PRKD1: variants seen among roughly 807,000 people sequenced by gnomAD.
PRKD1 encodes the protein protein kinase D1, also known as serine/threonine-protein kinase D1.
A neutral mutation model predicts 95.9 loss-of-function variants in PRKD1; 63 were observed. The observed-to-expected ratio is 0.66, with a 90% CI of 0.54 to 0.81. The LOEUF (loss-of-function observed/expected upper bound fraction) is 0.81, where lower values mean the gene tolerates loss of function less well. Among genes scored for constraint, PRKD1 ranks in the 30% least tolerant of loss-of-function variants. The probability of loss-of-function intolerance (pLI) is 0.00; values close to 1 mark genes in which losing one functional copy is unlikely to be tolerated. For missense variants in PRKD1, 1,048 were observed against 1,165.3 expected (o/e 0.90, Z 1.47); for synonymous variants, 425 against 423.1 (o/e 1.00, Z -0.05).
chr14:29,775,466 G>C (rs904091272), intron 1 of PRKD1, among the ~76,000 whole-genome samples: 2 of 152,248 alleles, frequency 1.3e-5, no homozygotes, highest in African/African-American at 4.8e-5. Context: ...CGCTTTTCCA[G>C]TGGTCTTAGC....
chr14:29,661,059 A>G (rs1309529438), intron 4 of PRKD1, among the ~76,000 whole-genome samples: 1 of 152,218 alleles, frequency 6.6e-6, no homozygotes, highest in Non-Finnish European at 1.5e-5. Flanking sequence ...CATGTGATCT[A>G]TGCTATTATA....
At chr14:29,836,598 A>C (rs1231674623) in intron 1 of PRKD1, among the ~76,000 whole-genome samples, 2 of 152,160 alleles carry the variant, frequency 1.3e-5, no homozygotes, top group Non-Finnish European at 2.9e-5. Context: ...AGGCAGTGGG[A>C]ACTACAACTG....
intron 1 of PRKD1, among the ~76,000 whole-genome samples, chr14:29,799,229 T>TACATGTTA (rs1889931301): frequency 6.6e-6 from 1 of 152,228 alleles, no homozygotes; most frequent in Non-Finnish European, 1.5e-5. Flanking sequence ...AAACCTCAAT[T>TACATGTTA]AAACAAGTAA....
intron 1 of PRKD1, among the ~76,000 whole-genome samples, chr14:29,910,358 C>T (rs756530766): frequency 9.2e-5 from 14 of 152,090 alleles, no homozygotes; most frequent in Admixed American, 5.2e-4. Flanking sequence ...ACTCTGAACA[C>T]GTCCGAACAT....
intron 2 of PRKD1, among the ~76,000 whole-genome samples, chr14:29,688,434 G>T (rs548446065): frequency 6.6e-6 from 1 of 152,158 alleles, no homozygotes; most frequent in Non-Finnish European, 1.5e-5. Flanking sequence ...AGGTGGGGGC[G>T]GGAGTTTCTC....
chr14:29,644,184 C>T (rs1256566153), intron 4 of PRKD1, among the ~76,000 whole-genome samples: 3 of 152,148 alleles, frequency 2.0e-5, no homozygotes, highest in Non-Finnish European at 4.4e-5. Flanking sequence ...GTTACATAAA[C>T]TGTTAACACT....
Position 29,626,554 on chromosome 14 carries a change from G to A in PRKD1, c.1728C>T (p.Asp576=), listed in dbSNP as rs764791470. The change falls in exon 12 of 18, where the codon GAC becomes GAT. Residue 576 remains aspartate (D), a splice_region_variant and synonymous_variant. Transcript: ENST00000331968. ...VSNCQIQENV[D]ISTVYQIFPD... is the part of the protein sequence containing the mutation. ...GAAAAATCTGATATACTGTGCTGAT[G>A]TCCTAGAGGTACAAGCCCAATGAAA... is the stretch of plus-strand genomic sequence containing the variant. 1.2e-5 allele frequency: 19 copies of A among 1,602,312 alleles called. No homozygotes were observed. The highest frequency in any genetic ancestry group is 1.4e-5 in the Non-Finnish European group (17 of 1,174,384).
chr14:29,867,856 T>C (rs1034864949), intron 1 of PRKD1, among the ~76,000 whole-genome samples: 10 of 152,198 alleles, frequency 6.6e-5, no homozygotes, highest in Non-Finnish European at 1.3e-4. Flanking sequence ...AGTTACAAAT[T>C]AGTTTTAGAA....
intron 2 of PRKD1, among the ~76,000 whole-genome samples, chr14:29,700,545 TA>T (rs1183270637): frequency 6.6e-6 from 1 of 152,186 alleles, no homozygotes; most frequent in Non-Finnish European, 1.5e-5. Context: ...GAGGACTAAT[TA>T]AATTCAGGTT....
Position 29,634,514 on chromosome 14 carries a change from G to A in PRKD1, c.1218C>T (p.Leu406=), listed in dbSNP as rs1345511846. The A allele has an allele frequency of 6.2e-7, 1 of 1,613,908 alleles. No individual in the cohort carries two copies. Among genetic ancestry groups the A allele is most frequent in the African/African-American group, 1.3e-5 (1 of 74,882 alleles). The change falls in exon 8 of 18, where the codon CTC becomes CTT. Residue 406 remains leucine (L), a synonymous_variant. Coordinates refer to ENST00000331968, the MANE Select transcript of PRKD1 (RefSeq NM_002742.3). ...GTTTGACAGACTGCACTACCCTCATGAGTGGGATATTGTTGCTTGTTGATG... is the reference window on the plus strand; with the variant it reads ...GTTTGACAGACTGCACTACCCTCATAAGTGGGATATTGTTGCTTGTTGATG... ...ISPSTSNNIP[L]MRVVQSVKHT... is the part of the protein sequence containing the mutation.
At chr14:29,745,544 C>T (rs1348235346) in intron 1 of PRKD1, among the ~76,000 whole-genome samples, 7 of 152,192 alleles carry the variant, frequency 4.6e-5, no homozygotes, top group African/African-American at 1.7e-4. Context: ...TCATAGCTCA[C>T]TGCAACCTTG....
At chr14:29,770,498 G>C (rs552019344) in intron 1 of PRKD1, among the ~76,000 whole-genome samples, 2 of 152,146 alleles carry the variant, frequency 1.3e-5, no homozygotes, top group African/African-American at 4.8e-5. Flanking sequence ...AAATACAGAC[G>C]GTAAAGCCCA....
Position 29,927,612 on chromosome 14 carries a change from G to A in PRKD1, c.-100C>T. 1.1e-6 allele frequency: 1 copy of A among 946,596 alleles called. No homozygotes were observed. Among genetic ancestry groups the A allele is most frequent in the South Asian group, 4.9e-5 (1 of 20,410 alleles). 58.6% of individuals were successfully genotyped at this position (946,596 alleles called of 1,614,324 possible). A position where few individuals can be genotyped will look rare whatever the true frequency, so the allele number is the denominator to read the frequency against. On this transcript the variant is annotated 5_prime_UTR_variant, in exon 1 of 18. Transcript: ENST00000331968. Reference sequence around the variant, plus strand: ...CTGAGCCAGGAGCTTCTTTCTCCGAGAGCCCAGACGGAAAATAAAAACTTT... The same window carrying A: ...CTGAGCCAGGAGCTTCTTTCTCCGAAAGCCCAGACGGAAAATAAAAACTTT...
At chr14:29,672,006 A>G (rs1384422960) in intron 2 of PRKD1, among the ~76,000 whole-genome samples, 1 of 152,210 alleles carries the variant, frequency 6.6e-6, no homozygotes, top group Non-Finnish European at 1.5e-5. Context: ...TATATTTAAA[A>G]TATTGTAAGT....
At chr14:29,926,886 G>GGGTC (rs1428785862) in intron 1 of PRKD1, among the ~76,000 whole-genome samples, 1 of 151,986 alleles carries the variant, frequency 6.6e-6, no homozygotes, top group East Asian at 2.0e-4. Flanking sequence ...CGCTGGTCCA[G>GGGTC]GGTCCGTAGG....
intron 1 of PRKD1, among the ~76,000 whole-genome samples, chr14:29,746,410 T>C (rs1158663909): frequency 2.0e-5 from 3 of 152,150 alleles, no homozygotes; most frequent in Admixed American, 6.5e-5. Context: ...CTTTTGTTCT[T>C]ACTGTTACCT....
chr14:29,597,441 A>G (rs773758245), intron 16 of PRKD1, 50 bp downstream of exon 16: 1 of 1,446,352 alleles, frequency 6.9e-7, no homozygotes. Context: ...AATTAATAAC[A>G]TAAACAAATA....
At chr14:29,825,734 T>G (rs1891083175) in intron 1 of PRKD1, among the ~76,000 whole-genome samples, 1 of 152,066 alleles carries the variant, frequency 6.6e-6, no homozygotes, top group Non-Finnish European at 1.5e-5. Context: ...TTTGTCAACA[T>G]AGTGGTTTTT....
chr14:29,653,405 T>C (rs892643780), intron 4 of PRKD1, among the ~76,000 whole-genome samples: 3 of 152,116 alleles, frequency 2.0e-5, no homozygotes, highest in Non-Finnish European at 4.4e-5. Context: ...AGTAGATACC[T>C]CCTTAAAGTC....
Sources: allele counts gnomAD v4.1 joint callset (sites outside exome capture counted in the v4.1 genomes callset), GRCh38; gene constraint gnomAD v4.1.1; transcripts MANE v1.5; gene names NCBI Gene and HGNC (gene_info 2026-07-23, HGNC 2026-07-21).